WFDC1: variants seen among roughly 807,000 people sequenced by gnomAD.
The protein encoded by WFDC1 is WAP four-disulfide core domain 1.
A neutral mutation model predicts 32.9 loss-of-function variants in WFDC1; 39 were observed. That is an observed-to-expected ratio of 1.19 (90% CI 0.92 to 1.55). WFDC1 has a LOEUF of 1.55. Among genes scored for constraint, WFDC1 ranks in the 40% most tolerant of loss-of-function variants. The pLI is 0.00. For missense variants in WFDC1, 386 were observed against 309.5 expected (o/e 1.25, Z -1.85); for synonymous variants, 184 against 137.4 (o/e 1.34, Z -2.37).
chr16:84,327,199 G>T (rs962312287), intron 6 of WFDC1: 1 of 464,344 alleles, frequency 2.2e-6, no homozygotes, highest in African/African-American at 2.0e-5. Context: ...TCATTTGTTT[G>T]TTTTTTTAAG....
chr16:84,309,083 T>C (rs453630), intron 1 of WFDC1, among the ~76,000 whole-genome samples: 128,776 of 152,174 alleles, frequency 0.85, 54,614 homozygotes, highest in East Asian at 0.99. Context: ...CCGTTAGCTG[T>C]GGAGCCCGCT....
intron 1 of WFDC1, among the ~76,000 whole-genome samples, chr16:84,302,132 T>C (rs986624555): frequency 6.6e-6 from 1 of 152,030 alleles, no homozygotes; most frequent in African/African-American, 2.4e-5. Context: ...TGTGTGACAC[T>C]GTTTGGATGC....
Position 84,312,873 on chromosome 16 carries a change from G to C in WFDC1, c.145-88G>C, listed in dbSNP as rs1907716214. The C allele has an allele frequency of 1.1e-5, 9 of 825,730 alleles. No individual in the cohort carries two copies. In the East Asian group the frequency reaches 5.2e-4, roughly 48 times the overall value. The allele number at this position is 825,730 out of a possible 1,614,324, so 51.2% of individuals were successfully genotyped here. A position where few individuals can be genotyped will look rare whatever the true frequency, so the allele number is the denominator to read the frequency against. Reference sequence around the variant, plus strand: ...GGAAACGCAGGCTCAGAGAGGCCCGGCGCACTGCCCACCCCCTTGCAAGCT... The same window carrying C: ...GGAAACGCAGGCTCAGAGAGGCCCGCCGCACTGCCCACCCCCTTGCAAGCT... On this transcript the variant is annotated intron_variant, in intron 1 of 6. Transcript: ENST00000219454.
intron 1 of WFDC1, among the ~76,000 whole-genome samples, chr16:84,299,357 C>A (rs541347741): frequency 1.3e-5 from 2 of 151,120 alleles, no homozygotes; most frequent in Non-Finnish European, 2.9e-5. Context: ...AAGAGCGCAA[C>A]TCCATCTCAA....
intron 1 of WFDC1, among the ~76,000 whole-genome samples, chr16:84,299,635 T>C (rs1013137052): frequency 2.6e-5 from 4 of 152,192 alleles, no homozygotes; most frequent in Non-Finnish European, 5.9e-5. Flanking sequence ...TCTCGACAAA[T>C]CCACCGGGTG....
At chr16:84,312,495 A>G (rs2151375034) in intron 1 of WFDC1, among the ~76,000 whole-genome samples, 1 of 152,298 alleles carries the variant, frequency 6.6e-6, no homozygotes, top group Non-Finnish European at 1.5e-5. Flanking sequence ...GATTCTGTGT[A>G]TAATTTGTAA....
intron 3 of WFDC1, 144 bp downstream of exon 3, chr16:84,318,499 C>A: frequency 1.3e-6 from 1 of 749,644 alleles, no homozygotes; most frequent in Non-Finnish European, 2.3e-6. Flanking sequence ...TGATCCTCCC[C>A]ACCCCAGCGA....
chr16:84,304,857 C>G (rs1227008695), intron 1 of WFDC1, among the ~76,000 whole-genome samples: 1 of 152,164 alleles, frequency 6.6e-6, no homozygotes, highest in Non-Finnish European at 1.5e-5. Flanking sequence ...CCACCCTGAG[C>G]TGGGGCTGGG....
chr16:84,307,608 G>A (rs928960646), intron 1 of WFDC1, among the ~76,000 whole-genome samples: 1 of 152,170 alleles, frequency 6.6e-6, no homozygotes, highest in African/African-American at 2.4e-5. Context: ...GGCATTTGTG[G>A]TGGGTGAAAA....
At chr16:84,302,477 CA>C (rs1338709023) in intron 1 of WFDC1, among the ~76,000 whole-genome samples, 1 of 152,308 alleles carries the variant, frequency 6.6e-6, no homozygotes, top group Admixed American at 6.5e-5. Context: ...GTGTCCCCAG[CA>C]CCGAGAGGCA....
chr16:84,318,862 G>A (rs75905505), intron 3 of WFDC1: 5 of 206,110 alleles, frequency 2.4e-5, no homozygotes, highest in East Asian at 2.3e-4. Flanking sequence ...TAGAGTGTGC[G>A]GCCGTATATG....
At position 84,313,170 on chromosome 16, in the gene WFDC1, A is replaced by G; in HGVS notation, c.337+17A>G. 7.1e-7 allele frequency: 1 copy of G among 1,404,808 alleles called. No homozygotes were observed. Among genetic ancestry groups the G allele is most frequent in the Non-Finnish European group, 9.2e-7 (1 of 1,087,140 alleles). 87.0% of individuals were successfully genotyped at this position (1,404,808 alleles called of 1,614,324 possible). A position where few individuals can be genotyped will look rare whatever the true frequency, so the allele number is the denominator to read the frequency against. On this transcript the variant is annotated intron_variant, in intron 2 of 6. Transcript: ENST00000219454. ...CCCCGCCAGGTAGGTCCTGGGCCCG[A>G]GGGAGGGGGCTGAGGGAGGAGGACA...
intron 1 of WFDC1, among the ~76,000 whole-genome samples, chr16:84,303,737 C>G (rs910474445): frequency 2.0e-5 from 3 of 152,218 alleles, no homozygotes; most frequent in Admixed American, 6.5e-5. Flanking sequence ...TTAGTATACT[C>G]AGAGTCATGC....
intron 1 of WFDC1, among the ~76,000 whole-genome samples, chr16:84,298,649 G>A (rs925688569): frequency 1.3e-4 from 20 of 152,158 alleles, no homozygotes; most frequent in Admixed American, 7.9e-4. Context: ...CTGACCAAGC[G>A]CAGGGCTGCC....
In WFDC1 at chr16:84,329,561, G is replaced by A. The variant is rs1351517931; in HGVS notation, c.*255G>A. 6.6e-6 allele frequency: 1 copy of A among 152,116 alleles called. No individual in the cohort carries two copies. The highest frequency in any genetic ancestry group is 2.4e-5 in the African/African-American group (1 of 41,430). The allele number at this position is 152,116 out of a possible 1,614,324, so 9.4% of individuals were successfully genotyped here. A position where few individuals can be genotyped will look rare whatever the true frequency, so the allele number is the denominator to read the frequency against. ...TGGGAGCAAGGCCCTGCAGCTCCAC[G>A]AGACCTTTACCCCGGGAAGAAGCCG... On this transcript the variant is annotated 3_prime_UTR_variant, in exon 7 of 7. Coordinates refer to ENST00000219454, the MANE Select transcript of WFDC1 (RefSeq NM_021197.4).
At chr16:84,302,010 C>T (rs941769123) in intron 1 of WFDC1, among the ~76,000 whole-genome samples, 2 of 152,216 alleles carry the variant, frequency 1.3e-5, no homozygotes, top group African/African-American at 2.4e-5. Flanking sequence ...GCACATCGCA[C>T]CTGTCCACTC....
intron 1 of WFDC1, among the ~76,000 whole-genome samples, chr16:84,312,375 T>C (rs1051613098): frequency 6.6e-6 from 1 of 152,114 alleles, no homozygotes; most frequent in African/African-American, 2.4e-5. Context: ...GCTTGGCCTG[T>C]TTTTGAGCTG....
rs77443510 is a variant in WFDC1 at position 84,315,137 on chromosome 16, C to T, written c.337+1984C>T. ...GAATGTGGAGCCCCTGCCCTGGCAC[C>T]TGTACCCACGTGTGGGGTCCTTCAT... On this transcript the variant is annotated intron_variant, in intron 2 of 6. Transcript: ENST00000219454. Among the ~76,000 whole-genome samples, 441 of 152,358 alleles carry T rather than the reference C, an allele frequency of 2.9e-3. 4 individuals carry two copies. Among genetic ancestry groups the T allele is most frequent in the African/African-American group, 0.01 (424 of 41,586 alleles).
intron 1 of WFDC1, among the ~76,000 whole-genome samples, chr16:84,308,617 G>T (rs1907412429): frequency 6.6e-6 from 1 of 152,250 alleles, no homozygotes; most frequent in Admixed American, 6.5e-5. Context: ...TGTGCTAGAT[G>T]CCAGCCTGAG....
Sources: gnomAD v4.1 joint callset for allele counts (sites outside exome capture counted in the v4.1 genomes callset) on GRCh38, gnomAD v4.1.1 for gene constraint, MANE v1.5 for transcripts, NCBI Gene and HGNC (gene_info 2026-07-23, HGNC 2026-07-21) for gene names.